BCKDHB: variants seen among roughly 807,000 people sequenced by gnomAD.
The protein encoded by BCKDHB is branched chain keto acid dehydrogenase E1 subunit beta, also known as 2-oxoisovalerate dehydrogenase subunit beta, mitochondrial.
Under a neutral mutation model 48.5 loss-of-function variants are expected in BCKDHB, and 41 were observed. That is an observed-to-expected ratio of 0.85 (90% CI 0.66 to 1.10). The LOEUF is 1.10. Ranked by LOEUF, BCKDHB falls within the 50% of genes least tolerant of loss-of-function variation. The pLI is 0.00. For missense variants in BCKDHB, 496 were observed against 494.2 expected (o/e 1.00, Z -0.03); for synonymous variants, 201 against 174.8 (o/e 1.15, Z -1.18).
At chr6:80,143,533 A>G (rs1251799961) in intron 3 of BCKDHB, among the ~76,000 whole-genome samples, 1 of 152,168 alleles carries the variant, frequency 6.6e-6, no homozygotes, top group Non-Finnish European at 1.5e-5. Flanking sequence ...AAAGTCATAG[A>G]GAATTAGAGC....
Position 80,273,184 on chromosome 6 carries a change from C to T in BCKDHB, c.1001C>T (p.Thr334Ile). 6.2e-7 allele frequency: 1 copy of T among 1,613,608 alleles called. No individual in the cohort carries two copies. ...CTAATCAGTCACGAGGCTCCCTTGA[C>T]AGGCGGCTTTGCATCGGAAATCAGC... ...RLLISHEAPLTGGFASEISST... is the reference protein window; with the variant it reads ...RLLISHEAPLIGGFASEISST... The change falls in exon 9 of 10, where the codon ACA (threonine) becomes ATA (isoleucine). Residue 334 changes from threonine to isoleucine, a missense_variant. By Grantham distance (89) the Thr-to-Ile change is moderately conservative (BLOSUM62 -1). Transcript: ENST00000320393.
chr6:80,211,126 A>T (rs1374626686), intron 8 of BCKDHB, among the ~76,000 whole-genome samples: 1 of 152,196 alleles, frequency 6.6e-6, no homozygotes, highest in Admixed American at 6.5e-5. Flanking sequence ...TCAACTACAT[A>T]ACAACACTGC....
intron 9 of BCKDHB, among the ~76,000 whole-genome samples, chr6:80,297,369 A>G (rs1336001775): frequency 1.3e-5 from 2 of 152,200 alleles, no homozygotes; most frequent in Admixed American, 6.5e-5. Flanking sequence ...ATGACATTAC[A>G]CATTTTACTT....
chr6:80,190,094 T>C (rs1026047795), intron 6 of BCKDHB, among the ~76,000 whole-genome samples: 4 of 152,088 alleles, frequency 2.6e-5, no homozygotes, highest in Non-Finnish European at 4.4e-5. Flanking sequence ...AGGCAGATGG[T>C]GGATGATAAG....
At chr6:80,245,059 A>G (rs1392270423) in intron 8 of BCKDHB, among the ~76,000 whole-genome samples, 1 of 148,842 alleles carries the variant, frequency 6.7e-6, no homozygotes, top group Non-Finnish European at 1.5e-5. Context: ...TAAAACAGAG[A>G]TATAATAGTA....
chr6:80,230,970 T>G (rs1775900368), intron 8 of BCKDHB, among the ~76,000 whole-genome samples: 1 of 152,166 alleles, frequency 6.6e-6, no homozygotes, highest in South Asian at 2.1e-4. Flanking sequence ...GAGGACACAT[T>G]CAAACCAATG....
the BCKDHB span, among the ~76,000 whole-genome samples, chr6:80,454,446 G>A: frequency 2.2e-4 from 33 of 152,142 alleles, no homozygotes; most frequent in Non-Finnish European, 3.5e-4. Flanking sequence ...TGCTGAGCTG[G>A]AAAGTGCTGC....
At chr6:80,218,424 CACAT>C (rs1404734069) in intron 8 of BCKDHB, among the ~76,000 whole-genome samples, 1 of 152,150 alleles carries the variant, frequency 6.6e-6, no homozygotes, top group African/African-American at 2.4e-5. Flanking sequence ...CTCATGCACA[CACAT>C]GCATATAGGT....
At chr6:80,147,467 T>G (rs1043944962) in intron 3 of BCKDHB, among the ~76,000 whole-genome samples, 3 of 152,210 alleles carry the variant, frequency 2.0e-5, no homozygotes, top group African/African-American at 7.2e-5. Flanking sequence ...TAACCTTTGA[T>G]GTCTATTAAC....
chr6:80,315,022 C>T (rs1247946383), intron 9 of BCKDHB, among the ~76,000 whole-genome samples: 1 of 152,202 alleles, frequency 6.6e-6, no homozygotes, highest in East Asian at 1.9e-4. Context: ...TCCATCCCCT[C>T]TCAGGCAGCC....
At chr6:80,289,502 C>A (rs1377512106) in intron 9 of BCKDHB, among the ~76,000 whole-genome samples, 2 of 151,950 alleles carry the variant, frequency 1.3e-5, no homozygotes, top group East Asian at 3.9e-4. Context: ...CTGGGCAGAT[C>A]TTCGGAGAGA....
intron 9 of BCKDHB, among the ~76,000 whole-genome samples, chr6:80,312,582 T>C (rs1768223683): frequency 6.6e-6 from 1 of 152,220 alleles, no homozygotes; most frequent in South Asian, 2.1e-4. Context: ...TATATGGCTC[T>C]TAGTAGCTAG....
At chr6:80,447,518 A>G in the BCKDHB span, among the ~76,000 whole-genome samples, 1 of 151,206 alleles carries the variant, frequency 6.6e-6, no homozygotes, top group Non-Finnish European at 1.5e-5. Context: ...CAATGTAGAT[A>G]TATACACATT....
the BCKDHB span, among the ~76,000 whole-genome samples, chr6:80,384,050 T>A: frequency 6.6e-6 from 1 of 151,940 alleles, no homozygotes; most frequent in Non-Finnish European, 1.5e-5. Flanking sequence ...GAAGTTAACA[T>A]AGGAGTGATG....
chr6:80,216,854 C>T (rs1478109848), intron 8 of BCKDHB, among the ~76,000 whole-genome samples: 1 of 152,000 alleles, frequency 6.6e-6, no homozygotes, highest in Non-Finnish European at 1.5e-5. Flanking sequence ...ATTATAACAC[C>T]CTGGCTTTGC....
At chr6:80,334,549 A>C (rs1333445147) in intron 9 of BCKDHB, among the ~76,000 whole-genome samples, 4 of 152,040 alleles carry the variant, frequency 2.6e-5, no homozygotes, top group Admixed American at 2.6e-4. Context: ...CTGGAATTAA[A>C]CTGCTGAAAA....
intron 1 of BCKDHB, among the ~76,000 whole-genome samples, chr6:80,121,724 A>T (rs142425327): frequency 0.014 from 2,186 of 152,290 alleles, 49 homozygotes; most frequent in African/African-American, 0.049. Context: ...AACTTTGCAG[A>T]ATTTGCTTAT....
chr6:80,106,890 G>T lies in BCKDHB; in HGVS notation c.196+1G>T, dbSNP rs1554181203. On this transcript the variant is annotated splice_donor_variant, in intron 1 of 9. Coordinates refer to ENST00000320393, the MANE Select transcript of BCKDHB (RefSeq NM_183050.4). LOFTEE classifies it high-confidence loss of function. ...CCAGATCCGGAGCCCCGGGAGTACGGTGAGCCCTGGGACTGCCCACTCGGT... is the reference window on the plus strand; with the variant it reads ...CCAGATCCGGAGCCCCGGGAGTACGTTGAGCCCTGGGACTGCCCACTCGGT... 2 of 1,602,782 alleles carry T rather than the reference G, an allele frequency of 1.2e-6. No individual in the cohort carries two copies. Among genetic ancestry groups the T allele is most frequent in the South Asian group, 2.2e-5 (2 of 89,364 alleles).
chr6:80,240,442 G>A (rs1429216965), intron 8 of BCKDHB, among the ~76,000 whole-genome samples: 5 of 152,108 alleles, frequency 3.3e-5, no homozygotes, highest in Admixed American at 1.3e-4. Flanking sequence ...GTGAATGGGA[G>A]TTCACTCATG....
Sources: allele counts gnomAD v4.1 joint callset (sites outside exome capture counted in the v4.1 genomes callset), GRCh38; gene constraint gnomAD v4.1.1; transcripts MANE v1.5; gene names NCBI Gene and HGNC (gene_info 2026-07-23, HGNC 2026-07-21).